Variants in TRPV4 observed in about 807,000 individuals in gnomAD.
TRPV4 encodes OSM9-like transient receptor potential channel 4.
TRPV4 carries 58 observed loss-of-function variants against 84.1 expected under a neutral mutation model. That is an observed-to-expected ratio of 0.69 (90% confidence interval 0.56 to 0.86). The LOEUF (loss-of-function observed/expected upper bound fraction) is 0.86. TRPV4 is among the 40% of genes least tolerant of loss of function. The probability of loss-of-function intolerance (pLI) is 0.00; values close to 1 mark genes in which losing one functional copy is unlikely to be tolerated. For missense variants in TRPV4, 879 were observed against 1,181.1 expected (o/e 0.74, Z 3.75); for synonymous variants, 489 against 500.9 (o/e 0.98, Z 0.32).
intron 4 of TRPV4, among the ~76,000 whole-genome samples, chr12:109,801,795 A>C (rs1272531940): frequency 6.6e-6 from 1 of 152,148 alleles, no homozygotes; most frequent in Non-Finnish European, 1.5e-5. Flanking sequence ...ACACCACTGC[A>C]CTCCAGCTTG....
chr12:109,818,246 C>T (rs1369642542), intron 1 of TRPV4, among the ~76,000 whole-genome samples: 1 of 152,066 alleles, frequency 6.6e-6, no homozygotes, highest in African/African-American at 2.4e-5. Context: ...CCAGGAAGCT[C>T]GGCCACCTCA....
At chr12:109,820,766 G>A (rs890113463) in intron 1 of TRPV4, among the ~76,000 whole-genome samples, 1 of 151,818 alleles carries the variant, frequency 6.6e-6, no homozygotes, top group African/African-American at 2.4e-5. Flanking sequence ...CTCGTGATCC[G>A]CCTGCCTCAG....
chr12:109,833,369 C>T lies in TRPV4; in HGVS notation c.-51G>A, dbSNP rs1403366205. 1 of 152,170 alleles carries T rather than the reference C, an allele frequency of 6.6e-6. No homozygotes were observed. The highest frequency in any genetic ancestry group is 1.5e-5 in the Non-Finnish European group (1 of 68,068). 9.4% of individuals were successfully genotyped at this position (152,170 alleles called of 1,614,324 possible). On this transcript the variant is annotated 5_prime_UTR_variant, in exon 1 of 16. Coordinates refer to ENST00000261740, the MANE Select transcript of TRPV4 (RefSeq NM_021625.5). ...ACTTACCTCCGGGACGGCTGGGCGC[C>T]GGCGGCCGGGAGATCCGCGCTTCCT...
Position 109,794,492 on chromosome 12 carries a change from G to A in TRPV4, c.1333-5C>T, listed in dbSNP as rs761542549. On this transcript the variant is annotated splice_polypyrimidine_tract_variant and splice_region_variant and intron_variant, in intron 7 of 15. Transcript: ENST00000261740. ...AGCCAGCATCTCGTGGCGGTTCTAA[G>A]AGAGGCAGGGTGGTCGGGGGCTGCC... 1.2e-6 allele frequency: 2 copies of A among 1,613,896 alleles called. No homozygotes were observed. The highest frequency in any genetic ancestry group is 1.7e-6 in the Non-Finnish European group (2 of 1,180,026).
At position 109,793,290 on chromosome 12, in the gene TRPV4, A is replaced by G. The variant is rs1890157914; in HGVS notation, c.1658+237T>C. Reference sequence around the variant, plus strand: ...CAGACATTAGCAATCATTCACCAGCATAAGAGGTTAAAATTATTTCTATCC... The same window carrying G: ...CAGACATTAGCAATCATTCACCAGCGTAAGAGGTTAAAATTATTTCTATCC... On this transcript the variant is annotated intron_variant, in intron 10 of 15. Coordinates refer to ENST00000261740, the MANE Select transcript of TRPV4 (RefSeq NM_021625.5). The surrounding 1 kb of genome is among the most constrained non-coding windows in gnomAD (Gnocchi z 4.0). Among the ~76,000 whole-genome samples the G allele has an allele frequency of 6.6e-6, 1 of 152,256 alleles. No homozygotes were observed.
rs3825395 is a variant in TRPV4, at chr12:109,800,497, A to G, written c.853+121T>C. ...GTGGTCCAGAGTGCTGCCTGCGCTC[A>G]TGGCCAGAGTGGCCCTGGGTGTCTG... is the stretch of plus-strand genomic sequence containing the variant. On this transcript the variant is annotated intron_variant, in intron 5 of 15. Coordinates refer to ENST00000261740, the MANE Select transcript of TRPV4 (RefSeq NM_021625.5). 0.086 allele frequency: 113,063 copies of G among 1,320,942 alleles called. 5,683 individuals carry two copies. The highest frequency in any genetic ancestry group is 0.18 in the South Asian group (14,031 of 76,574). 81.8% of individuals were successfully genotyped at this position (1,320,942 alleles called of 1,614,324 possible). A position where few individuals can be genotyped will look rare whatever the true frequency, so the allele number is the denominator to read the frequency against.
At position 109,814,878 on chromosome 12, in the gene TRPV4, C is replaced by CT; in HGVS notation, c.-31-52dup. The CT allele has an allele frequency of 1.3e-6, 2 of 1,504,998 alleles. No individual in the cohort carries two copies. Among genetic ancestry groups the CT allele is most frequent in the Non-Finnish European group, 1.8e-6 (2 of 1,123,950 alleles). 93.2% of individuals were successfully genotyped at this position (1,504,998 alleles called of 1,614,324 possible). A position where few individuals can be genotyped will look rare whatever the true frequency, so the allele number is the denominator to read the frequency against. ...GGCAGAACCCGGCCAGGGGCGGGGG[C>CT]TCCAGGAAGCCCCCTCCCACGTGGA... On this transcript the variant is annotated intron_variant, in intron 1 of 15. Coordinates refer to ENST00000261740, the MANE Select transcript of TRPV4 (RefSeq NM_021625.5). This position sits in a 1 kb window ranked among gnomAD's most constrained non-coding sequence, Gnocchi z 5.4.
At chr12:109,807,047 C>T (rs973157001) in intron 3 of TRPV4, among the ~76,000 whole-genome samples, 14 of 152,158 alleles carry the variant, frequency 9.2e-5, no homozygotes, top group African/African-American at 3.1e-4. Flanking sequence ...GAGGCCAAGG[C>T]GGGCAGATCA....
In TRPV4 at chr12:109,786,681, C is replaced by T; in HGVS notation, c.2336+29G>A. 1.2e-6 allele frequency: 2 copies of T among 1,612,958 alleles called. No individual in the cohort carries two copies. The stretch of plus-strand genomic sequence containing the variant: ...AGCCAGTGGGGACAGTTCCGCCCTG[C>T]CATCCTGGCCCCACTGCCCCAGCCT... On this transcript the variant is annotated intron_variant, in intron 14 of 15. Transcript: ENST00000261740. This position sits in a 1 kb window ranked among gnomAD's most constrained non-coding sequence, Gnocchi z 4.5.
chr12:109,824,390 G>A (rs537097628), intron 1 of TRPV4, among the ~76,000 whole-genome samples: 2 of 152,158 alleles, frequency 1.3e-5, no homozygotes, highest in East Asian at 3.9e-4. Flanking sequence ...ATAGCCCCAG[G>A]ATTCCACCCT....
chr12:109,800,142 A>G (rs561908244), intron 5 of TRPV4, among the ~76,000 whole-genome samples: 2 of 152,142 alleles, frequency 1.3e-5, no homozygotes, highest in South Asian at 2.1e-4. Context: ...GGGTTTCACC[A>G]TCTTGTTGGC....
chr12:109,831,520 T>A (rs998870349), intron 1 of TRPV4, among the ~76,000 whole-genome samples: 1 of 152,240 alleles, frequency 6.6e-6, no homozygotes, highest in Admixed American at 6.5e-5. Flanking sequence ...GAAGCTGGGA[T>A]TGGAAGCATC....
intron 5 of TRPV4, among the ~76,000 whole-genome samples, chr12:109,800,409 T>TGCC (rs767657893): frequency 6.6e-6 from 1 of 151,726 alleles, no homozygotes; most frequent in East Asian, 1.9e-4. Context: ...AGGTCCATGG[T>TGCC]ACTCCCCATG....
In TRPV4 at chr12:109,786,700, C is replaced by T. The variant is rs746178717; in HGVS notation, c.2336+10G>A. On this transcript the variant is annotated intron_variant, in intron 14 of 15. Transcript: ENST00000261740. This position sits in a 1 kb window ranked among gnomAD's most constrained non-coding sequence, Gnocchi z 4.5. ...GCCCTGCCATCCTGGCCCCACTGCCCCAGCCTCACCTGAAGCACCACCTGC... is the reference window on the plus strand; with the variant it reads ...GCCCTGCCATCCTGGCCCCACTGCCTCAGCCTCACCTGAAGCACCACCTGC... The T allele has an allele frequency of 1.2e-6, 2 of 1,613,556 alleles. No homozygotes were observed. The highest frequency in any genetic ancestry group is 2.2e-5 in the South Asian group (2 of 91,072).
rs55778022 is a variant in TRPV4, at chr12:109,796,474, C to T, written c.1332+51G>A. ...CCAGCCCCAGGGCCCTGTCCCTACT[C>T]CCAGCCCTGCCCCTCCTTCCTCACA... On this transcript the variant is annotated intron_variant, in intron 7 of 15. Coordinates refer to ENST00000261740, the MANE Select transcript of TRPV4 (RefSeq NM_021625.5). The surrounding 1 kb of genome is among the most constrained non-coding windows in gnomAD (Gnocchi z 4.2). 1 of 1,606,912 alleles carries T rather than the reference C, an allele frequency of 6.2e-7. No homozygotes were observed. The highest frequency in any genetic ancestry group is 8.5e-7 in the Non-Finnish European group (1 of 1,176,072).
At chr12:109,792,046 C>A (rs1172668911) in intron 12 of TRPV4, among the ~76,000 whole-genome samples, 10 of 147,682 alleles carry the variant, frequency 6.8e-5, no homozygotes, top group Admixed American at 6.1e-4. Flanking sequence ...GCATGGCCAA[C>A]ATGGTGAAAC....
intron 2 of TRPV4, among the ~76,000 whole-genome samples, chr12:109,809,546 C>T (rs570831665): frequency 1.3e-5 from 2 of 150,756 alleles, no homozygotes; most frequent in East Asian, 4.0e-4. Flanking sequence ...ATCCATCCAT[C>T]CACCCACTCA....
chr12:109,796,809 C>G lies in TRPV4; in HGVS notation c.1153-105G>C. The G allele has an allele frequency of 8.6e-7, 1 of 1,160,004 alleles. No individual in the cohort carries two copies. The highest frequency in any genetic ancestry group is 2.4e-5 in the East Asian group (1 of 40,864). The allele number at this position is 1,160,004 out of a possible 1,614,324, so 71.9% of individuals were successfully genotyped here. A position where few individuals can be genotyped will look rare whatever the true frequency, so the allele number is the denominator to read the frequency against. On this transcript the variant is annotated intron_variant, in intron 6 of 15. Coordinates refer to ENST00000261740, the MANE Select transcript of TRPV4 (RefSeq NM_021625.5). The surrounding 1 kb of genome is among the most constrained non-coding windows in gnomAD (Gnocchi z 4.2). The stretch of plus-strand genomic sequence containing the variant: ...TCCCCAGAAAACAGCTAAGCACCGG[C>G]TGCTGGAGGACCCTTTCCTCATCTT...
chr12:109,790,346 C>T (rs144435979), intron 12 of TRPV4, among the ~76,000 whole-genome samples: 1 of 152,290 alleles, frequency 6.6e-6, no homozygotes, highest in African/African-American at 2.4e-5. Context: ...ACCCACACCT[C>T]GGGGATCAGC....
Sources: gnomAD v4.1 joint callset for allele counts (sites outside exome capture counted in the v4.1 genomes callset) on GRCh38, gnomAD v4.1.1 for gene constraint, Gnocchi (gnomAD v3.1) non-coding constraint, MANE v1.5 for transcripts, NCBI Gene and HGNC (gene_info 2026-07-23, HGNC 2026-07-21) for gene names.